Variants in TAAR5 observed in about 807,000 individuals in gnomAD.
The protein encoded by TAAR5 is trace amine-associated receptor 5.
TAAR5 carries 27 observed loss-of-function variants against 21.1 expected under a neutral mutation model. The observed-to-expected ratio is 1.28, with a 90% CI of 0.94 to 1.76. The LOEUF is 1.76. TAAR5 is among the 40% of genes most tolerant of loss of function. The probability of loss-of-function intolerance (pLI) is 0.00; values close to 1 mark genes in which losing one functional copy is unlikely to be tolerated. For missense variants in TAAR5, 495 were observed against 405.6 expected (o/e 1.22, Z -1.89); for synonymous variants, 203 against 167.5 (o/e 1.21, Z -1.64).
upstream of TAAR5, among the ~76,000 whole-genome samples, chr6:132,592,767 C>T (rs1776925176): frequency 6.6e-6 from 1 of 152,154 alleles, no homozygotes; most frequent in African/African-American, 2.4e-5. Context: ...CCCAGCCATT[C>T]TTCCTGTACA....
At chr6:132,605,855 C>T in the TAAR5 span, among the ~76,000 whole-genome samples, 1 of 140,254 alleles carries the variant, frequency 7.1e-6, no homozygotes, top group African/African-American at 3.0e-5. Flanking sequence ...TGGAATCAAC[C>T]CAGGTGCCCA....
the TAAR5 span, among the ~76,000 whole-genome samples, chr6:132,609,841 A>G: frequency 6.6e-6 from 1 of 152,236 alleles, no homozygotes; most frequent in Non-Finnish European, 1.5e-5. Flanking sequence ...CGAAACATGC[A>G]GTACCATGAA....
chr6:132,610,935 T>G, the TAAR5 span, among the ~76,000 whole-genome samples: 1 of 152,106 alleles, frequency 6.6e-6, no homozygotes, highest in South Asian at 2.1e-4. Context: ...TCATATTAGA[T>G]CATCTTCTTG....
upstream of TAAR5, among the ~76,000 whole-genome samples, chr6:132,594,219 G>A (rs193271637): frequency 2.6e-5 from 4 of 152,180 alleles, no homozygotes; most frequent in East Asian, 1.9e-4. Context: ...GAAATGGACC[G>A]CTTTGGTAGC....
At chr6:132,603,241 T>C in the TAAR5 span, among the ~76,000 whole-genome samples, 8 of 148,304 alleles carry the variant, frequency 5.4e-5, no homozygotes, top group East Asian at 1.6e-3. Context: ...AGGTCAAGGC[T>C]GTAGTGAGCC....
At chr6:132,602,697 G>A in the TAAR5 span, among the ~76,000 whole-genome samples, 1 of 149,122 alleles carries the variant, frequency 6.7e-6, no homozygotes, top group Admixed American at 6.8e-5. Context: ...GTTTGTGAAG[G>A]CTTGGAATTA....
Position 132,589,225 on chromosome 6 carries a change from G to T in TAAR5, c.462C>A (p.Tyr154Ter). ...SKFTVRVALR[Y>*]ILAGWGVPAA... ...CGGGCACCCCCCATCCTGCCAGGATGTACCTGAGAGCCACCCTCACTGTGA... is the reference window on the plus strand; with the variant it reads ...CGGGCACCCCCCATCCTGCCAGGATTTACCTGAGAGCCACCCTCACTGTGA... Residue 154 changes from tyrosine (Y) to a stop codon, truncating the protein, a stop_gained, in exon 1 of 1, where the codon TAC (tyrosine) becomes TAA (stop). Coordinates refer to ENST00000258034, the MANE Select transcript of TAAR5 (RefSeq NM_003967.3). LOFTEE classifies it high-confidence loss of function. 1 of 1,606,480 alleles carries T rather than the reference G, an allele frequency of 6.2e-7. No homozygotes were observed. The highest frequency in any genetic ancestry group is 8.5e-7 in the Non-Finnish European group (1 of 1,176,128).
At chr6:132,608,226 C>T in the TAAR5 span, 5 of 401,200 alleles carry the variant, frequency 1.2e-5, no homozygotes, top group African/African-American at 1.0e-4. Context: ...ATATTCTATT[C>T]ACTTTTGCAA....
the TAAR5 span, among the ~76,000 whole-genome samples, chr6:132,606,898 G>A: frequency 6.6e-6 from 1 of 152,132 alleles, no homozygotes; most frequent in Non-Finnish European, 1.5e-5. Flanking sequence ...TCAGGAGAAG[G>A]GGAACATTTG....
At chr6:132,595,887 G>T in the TAAR5 span, among the ~76,000 whole-genome samples, 1 of 152,168 alleles carries the variant, frequency 6.6e-6, no homozygotes, top group Non-Finnish European at 1.5e-5. Flanking sequence ...ATTATGATCT[G>T]AATATTATGC....
chr6:132,598,082 C>A, the TAAR5 span, among the ~76,000 whole-genome samples: 1 of 152,106 alleles, frequency 6.6e-6, no homozygotes, highest in African/African-American at 2.4e-5. Context: ...CGTATCATAC[C>A]TGCTTTATCA....
the TAAR5 span, among the ~76,000 whole-genome samples, chr6:132,616,610 A>C: frequency 6.6e-6 from 1 of 152,196 alleles, no homozygotes; most frequent in African/African-American, 2.4e-5. Context: ...ACAACAGCAG[A>C]ATCTAGTAAA....
the TAAR5 span, chr6:132,594,792 G>A: frequency 0.47 from 71,836 of 151,812 alleles, 17,496 homozygotes; most frequent in African/African-American, 0.58. Flanking sequence ...AATTCCCACC[G>A]TGGTTGTCCC....
chr6:132,612,865 T>G, the TAAR5 span, among the ~76,000 whole-genome samples: 1 of 152,192 alleles, frequency 6.6e-6, no homozygotes, highest in Non-Finnish European at 1.5e-5. Context: ...CATGAATACA[T>G]ACGCAGTTAA....
At chr6:132,603,831 C>T in the TAAR5 span, among the ~76,000 whole-genome samples, 2 of 152,024 alleles carry the variant, frequency 1.3e-5, no homozygotes, top group Admixed American at 1.3e-4. Context: ...ATTAAATCAT[C>T]AGTAAGAGAA....
chr6:132,595,883 A>G, the TAAR5 span, among the ~76,000 whole-genome samples: 1 of 152,344 alleles, frequency 6.6e-6, no homozygotes, highest in East Asian at 1.9e-4. Flanking sequence ...AATAATTATG[A>G]TCTGAATATT....
At chr6:132,609,600 G>T in the TAAR5 span, among the ~76,000 whole-genome samples, 1 of 152,044 alleles carries the variant, frequency 6.6e-6, no homozygotes, top group African/African-American at 2.4e-5. Context: ...TCCTGGTAAG[G>T]AAATGGGAGA....
chr6:132,603,004 A>T, the TAAR5 span, among the ~76,000 whole-genome samples: 1 of 152,080 alleles, frequency 6.6e-6, no homozygotes, highest in South Asian at 2.1e-4. Flanking sequence ...GTTCAGTGAC[A>T]AAGGGAGTTA....
chr6:132,591,046 G>T (rs189208086), upstream of TAAR5, among the ~76,000 whole-genome samples: 2 of 152,280 alleles, frequency 1.3e-5, no homozygotes, highest in East Asian at 3.9e-4. Flanking sequence ...TATATTTTGT[G>T]ATGGTGAAAG....
Sources: gnomAD v4.1 joint callset for allele counts (sites outside exome capture counted in the v4.1 genomes callset) on GRCh38, gnomAD v4.1.1 for gene constraint, MANE v1.5 for transcripts, NCBI Gene and HGNC (gene_info 2026-07-23, HGNC 2026-07-21) for gene names.